GPR176: variants seen among roughly 807,000 people sequenced by gnomAD.
The protein encoded by GPR176 is G protein-coupled receptor 176, also known as G-protein coupled receptor 176.
Under a neutral mutation model 35.4 loss-of-function variants are expected in GPR176, and 26 were observed. That is an observed-to-expected ratio of 0.74 (90% CI 0.54 to 1.02). GPR176 has a LOEUF of 1.02. Ranked by LOEUF, GPR176 falls within the 50% of genes least tolerant of loss-of-function variation. GPR176 has a pLI of 0.00. For missense variants in GPR176, 597 were observed against 665.3 expected (o/e 0.90, Z 1.13); for synonymous variants, 278 against 271.3 (o/e 1.02, Z -0.24).
intron 1 of GPR176, among the ~76,000 whole-genome samples, chr15:39,836,333 T>A (rs1419742835): frequency 6.6e-6 from 1 of 152,032 alleles, no homozygotes; most frequent in Non-Finnish European, 1.5e-5. Context: ...GCTTGGTACC[T>A]TCCCCTGAGT....
At chr15:39,885,252 A>C (rs1380436009) in intron 1 of GPR176, among the ~76,000 whole-genome samples, 1 of 152,222 alleles carries the variant, frequency 6.6e-6, no homozygotes, top group Non-Finnish European at 1.5e-5. Flanking sequence ...CTCTGAGGGA[A>C]TCAAGCTAAC....
chr15:39,900,040 T>G (rs898641029), intron 1 of GPR176, among the ~76,000 whole-genome samples: 1 of 152,126 alleles, frequency 6.6e-6, no homozygotes, highest in South Asian at 2.1e-4. Flanking sequence ...TAATGTTATA[T>G]AGTATAATCA....
intron 1 of GPR176, among the ~76,000 whole-genome samples, chr15:39,898,613 T>C (rs1178033198): frequency 1.3e-5 from 2 of 152,014 alleles, no homozygotes; most frequent in African/African-American, 4.8e-5. Flanking sequence ...GAGCCAAGCG[T>C]AATTTGGAAC....
chr15:39,815,652 T>G (rs1899851921), intron 1 of GPR176, among the ~76,000 whole-genome samples: 1 of 152,214 alleles, frequency 6.6e-6, no homozygotes, highest in African/African-American at 2.4e-5. Flanking sequence ...AGGTCCTGCT[T>G]ATAGAATCTA....
chr15:39,840,628 T>C (rs190829106), intron 1 of GPR176, among the ~76,000 whole-genome samples: 1 of 152,190 alleles, frequency 6.6e-6, no homozygotes, highest in Admixed American at 6.5e-5. Context: ...ACTTGAAGTA[T>C]AACAATAATA....
chr15:39,824,815 G>A (rs1265961867), intron 1 of GPR176, among the ~76,000 whole-genome samples: 1 of 152,194 alleles, frequency 6.6e-6, no homozygotes, highest in Non-Finnish European at 1.5e-5. Flanking sequence ...ATATCCACAA[G>A]CTCAACATTT....
intron 1 of GPR176, among the ~76,000 whole-genome samples, chr15:39,852,936 A>G (rs1437525122): frequency 1.3e-5 from 2 of 152,206 alleles, no homozygotes; most frequent in Non-Finnish European, 2.9e-5. Context: ...GAGGATGTGA[A>G]GAAATTGGAA....
chr15:39,865,014 T>G (rs1479237073), intron 1 of GPR176, among the ~76,000 whole-genome samples: 1 of 149,408 alleles, frequency 6.7e-6, no homozygotes, highest in Non-Finnish European at 1.5e-5. Context: ...CTTACACCAG[T>G]CAAGAATGGC....
chr15:39,802,865 T>G (rs979620750), intron 2 of GPR176, among the ~76,000 whole-genome samples: 4 of 152,256 alleles, frequency 2.6e-5, no homozygotes. Context: ...ACAAAAGTTA[T>G]GCCTGCTCAA....
chr15:39,887,836 T>A (rs1365986342), intron 1 of GPR176, among the ~76,000 whole-genome samples: 1 of 152,220 alleles, frequency 6.6e-6, no homozygotes, highest in African/African-American at 2.4e-5. Flanking sequence ...TCCCAAAATA[T>A]GCCACTTTGG....
At chr15:39,853,318 A>C (rs1220134474) in intron 1 of GPR176, among the ~76,000 whole-genome samples, 2 of 152,238 alleles carry the variant, frequency 1.3e-5, no homozygotes, top group African/African-American at 4.8e-5. Flanking sequence ...AGTCACAAAA[A>C]GACAAATATG....
In GPR176 at chr15:39,802,114, G is replaced by A. The variant is rs202087747; in HGVS notation, c.566C>T (p.Thr189Met). ...GCTCCAGACTTCCGTGCAGGTGGAC[G>A]TGGCATAGATGTCAGCCACATTGGT... is the stretch of plus-strand genomic sequence containing the variant. ...AVTNVADIYA[T>M]STCTEVWSNS... The change falls in exon 3 of 3, where the codon ACG (threonine) becomes ATG (methionine). Residue 189 changes from threonine (T) to methionine (M), a missense_variant. Transcript: ENST00000561100. The A allele has an allele frequency of 7.7e-5, 125 of 1,614,162 alleles. No homozygotes were observed. The highest frequency in any genetic ancestry group is 3.0e-4 in the Admixed American group (18 of 60,034).
chr15:39,828,542 G>A lies in GPR176; in HGVS notation c.173-21284C>T, dbSNP rs570034622. Among the ~76,000 whole-genome samples the A allele has an allele frequency of 2.6e-3, 398 of 152,268 alleles. 1 individual carries two copies. The highest frequency in any genetic ancestry group is 9.3e-3 in the African/African-American group (387 of 41,552). ...GGGGCCGCCAACAGGGATTGCCAAG[G>A]GGTCAAAGAATCAGCATCACTGGCT... On this transcript the variant is annotated intron_variant, in intron 1 of 2. Coordinates refer to ENST00000561100, the MANE Select transcript of GPR176 (RefSeq NM_007223.3).
At chr15:39,816,990 G>A (rs1899949017) in intron 1 of GPR176, among the ~76,000 whole-genome samples, 1 of 149,026 alleles carries the variant, frequency 6.7e-6, no homozygotes, top group African/African-American at 2.5e-5. Flanking sequence ...GATCACCTGA[G>A]TCTAGGAGTT....
rs986576398 is a variant in GPR176, at chr15:39,917,699, A to G, written c.172+2156T>C. 2.0e-5 allele frequency among the ~76,000 whole-genome samples: 3 copies of G among 152,126 alleles called. No homozygotes were observed. The East Asian group carries it at 5.8e-4, about 29-fold the overall frequency. ...TTTATGGGTTTTTTTCTGCATATAA[A>G]AAGGAGCAAATTGAATTCTCTTTTA... On this transcript the variant is annotated intron_variant, in intron 1 of 2. Transcript: ENST00000561100.
At chr15:39,880,666 T>C (rs1227322458) in intron 1 of GPR176, among the ~76,000 whole-genome samples, 1 of 152,126 alleles carries the variant, frequency 6.6e-6, no homozygotes, top group Non-Finnish European at 1.5e-5. Context: ...ACTCTCTCTC[T>C]TTCCCCTCCA....
Position 39,801,771 on chromosome 15 carries a change from G to A in GPR176, c.909C>T (p.Leu303=). 1 of 1,613,874 alleles carries A rather than the reference G, an allele frequency of 6.2e-7. No individual in the cohort carries two copies. Among genetic ancestry groups the A allele is most frequent in the Non-Finnish European group, 8.5e-7 (1 of 1,179,792 alleles). ...NVPDTSVFLL[L]TAVWLPKVSL... ...AGACTTTGGGCAGCCAAACAGCAGT[G>A]AGCAGCAAGAAGACGGAAGTGTCAG... Residue 303 remains leucine (L), a synonymous_variant, in exon 3 of 3, where the codon CTC becomes CTT. Transcript: ENST00000561100.
intron 1 of GPR176, 143 bp downstream of exon 1, chr15:39,919,712 A>C: frequency 3.7e-4 from 182 of 496,760 alleles, no homozygotes; most frequent in Middle Eastern, 1.1e-3. Context: ...CACTGCAGCT[A>C]CCCGGGATCC....
At chr15:39,810,199 CAT>C (rs980119731) in intron 1 of GPR176, among the ~76,000 whole-genome samples, 6 of 151,184 alleles carry the variant, frequency 4.0e-5, no homozygotes, top group Non-Finnish European at 8.8e-5. Context: ...CCCCATGGCA[CAT>C]GTTTACCTAT....
Sources: gnomAD v4.1 joint callset for allele counts (sites outside exome capture counted in the v4.1 genomes callset) on GRCh38, gnomAD v4.1.1 for gene constraint, MANE v1.5 for transcripts, NCBI Gene and HGNC (gene_info 2026-07-23, HGNC 2026-07-21) for gene names.